NEGR1: variants seen among roughly 807,000 people sequenced by gnomAD.
NEGR1 encodes neuronal growth regulator 1.
NEGR1 carries 10 observed loss-of-function variants against 40.9 expected under a neutral mutation model. The ratio of observed to expected loss-of-function variants is 0.24; its 90% CI spans 0.15 to 0.42. NEGR1 has a LOEUF of 0.42. Ranked by LOEUF, NEGR1 falls within the 10% of genes least tolerant of loss-of-function variation. NEGR1 has a pLI of 1.00. For missense variants in NEGR1, 352 were observed against 438.9 expected, an observed-to-expected ratio of 0.80 and a Z score of 1.77; for synonymous variants, 185 against 166.8, an observed-to-expected ratio of 1.11 and a Z score of -0.84.
intron 1 of NEGR1, among the ~76,000 whole-genome samples, chr1:71,947,105 C>T (rs1433048314): frequency 1.7e-5 from 2 of 116,236 alleles, no homozygotes; most frequent in African/African-American, 3.1e-5. Flanking sequence ...CACACACACA[C>T]ACACACACAC....
intron 1 of NEGR1, among the ~76,000 whole-genome samples, chr1:72,268,872 T>TAGAA (rs1303534596): frequency 9.3e-5 from 14 of 151,032 alleles, no homozygotes; most frequent in African/African-American, 3.2e-4. Flanking sequence ...AAGAAGGAGC[T>TAGAA]AGAAATGGGT....
At chr1:72,129,940 A>G (rs527456449) in intron 1 of NEGR1, among the ~76,000 whole-genome samples, 1 of 152,292 alleles carries the variant, frequency 6.6e-6, no homozygotes, top group South Asian at 2.1e-4. Flanking sequence ...GATTAAAGTA[A>G]TACACTGCTA....
At chr1:71,855,824 A>T (rs1336581223) in intron 2 of NEGR1, among the ~76,000 whole-genome samples, 1 of 152,048 alleles carries the variant, frequency 6.6e-6, no homozygotes, top group African/African-American at 2.4e-5. Flanking sequence ...GAAAGGTTGA[A>T]TTTAGAAAAA....
At chr1:72,161,033 A>G (rs566028076) in intron 1 of NEGR1, among the ~76,000 whole-genome samples, 7 of 152,162 alleles carry the variant, frequency 4.6e-5, no homozygotes, top group Non-Finnish European at 8.8e-5. Context: ...CTTTAATTAC[A>G]TATTTACTGA....
intron 1 of NEGR1, among the ~76,000 whole-genome samples, chr1:72,213,217 T>C (rs1016870825): frequency 3.9e-5 from 6 of 151,988 alleles, no homozygotes; most frequent in African/African-American, 1.2e-4. Flanking sequence ...GGGCATATTA[T>C]GAATGCAAGG....
At chr1:71,679,552 TTGAAA>T (rs1371401463) in intron 4 of NEGR1, among the ~76,000 whole-genome samples, 1 of 152,164 alleles carries the variant, frequency 6.6e-6, no homozygotes, top group Admixed American at 6.5e-5. Context: ...CTCTTATTAA[TTGAAA>T]TAATTTTTTT....
rs992525770 is a variant in NEGR1, at chr1:71,916,324, C to T, written c.409+18755G>A. ...TCAGAAACAAAATGTTTTATGTTCTCCCTTACTAATCATCAGGATAGTAAG... is the reference window on the plus strand; with the variant it reads ...TCAGAAACAAAATGTTTTATGTTCTTCCTTACTAATCATCAGGATAGTAAG... On this transcript the variant is annotated intron_variant, in intron 2 of 6. Transcript: ENST00000357731. 5.0e-4 allele frequency among the ~76,000 whole-genome samples: 76 copies of T among 152,202 alleles called. 1 individual carries two copies. Among genetic ancestry groups the T allele is most frequent in the African/African-American group, 1.7e-3 (71 of 41,546 alleles).
At chr1:71,638,741 C>G (rs1244422502) in intron 4 of NEGR1, among the ~76,000 whole-genome samples, 2 of 151,888 alleles carry the variant, frequency 1.3e-5, no homozygotes, top group African/African-American at 4.8e-5. Flanking sequence ...CATTTAATAA[C>G]CTTTTACAGT....
At chr1:71,547,573 G>A (rs963446180) in intron 6 of NEGR1, among the ~76,000 whole-genome samples, 5 of 151,688 alleles carry the variant, frequency 3.3e-5, no homozygotes, top group Admixed American at 2.6e-4. Context: ...AAGATATTTC[G>A]AGATGTCAAA....
chr1:72,123,045 T>A (rs549351600), intron 1 of NEGR1, among the ~76,000 whole-genome samples: 42 of 152,088 alleles, frequency 2.8e-4, no homozygotes, highest in Non-Finnish European at 4.0e-4. Context: ...TGTTATTAAA[T>A]CTGTTTCATG....
intron 1 of NEGR1, among the ~76,000 whole-genome samples, chr1:72,108,400 T>C (rs1232074160): frequency 6.6e-6 from 1 of 151,598 alleles, no homozygotes; most frequent in Non-Finnish European, 1.5e-5. Context: ...TTCAGAATCA[T>C]ACCATTACAC....
intron 3 of NEGR1, among the ~76,000 whole-genome samples, chr1:71,701,418 A>G (rs1653686964): frequency 6.6e-6 from 1 of 151,678 alleles, no homozygotes; most frequent in South Asian, 2.1e-4. Context: ...CATTTTCCAA[A>G]CCAGCAAATG....
At chr1:71,865,710 C>T (rs1323041279) in intron 2 of NEGR1, among the ~76,000 whole-genome samples, 1 of 152,068 alleles carries the variant, frequency 6.6e-6, no homozygotes, top group Non-Finnish European at 1.5e-5. Flanking sequence ...TCTAACAAAC[C>T]TGCACGTTCT....
rs191026514 is a variant in NEGR1 at position 71,773,401 on chromosome 1, T to G, written c.535+2771A>C. Among the ~76,000 whole-genome samples the G allele has an allele frequency of 1.7e-4, 26 of 152,302 alleles. No individual in the cohort carries two copies. The East Asian group carries it at 5.0e-3, about 29-fold the overall frequency. The stretch of plus-strand genomic sequence containing the variant: ...CAACATGTTCACAGGTTAACTGCTG[T>G]TTTGGGACACATTTTCTTTCATAAT... On this transcript the variant is annotated intron_variant, in intron 3 of 6. Coordinates refer to ENST00000357731, the MANE Select transcript of NEGR1 (RefSeq NM_173808.3).
At position 72,209,204 on chromosome 1, in the gene NEGR1, G is replaced by A. The variant is rs1292789519; in HGVS notation, c.176+73115C>T. 2.7e-5 allele frequency among the ~76,000 whole-genome samples: 4 copies of A among 150,926 alleles called. No individual in the cohort carries two copies. In the East Asian group the frequency reaches 5.8e-4, roughly 22 times the overall value. On this transcript the variant is annotated intron_variant, in intron 1 of 6. Transcript: ENST00000357731. Reference sequence around the variant, plus strand: ...TCCATCGAGACAATGTACAAAAATTGTGAATTAGAAAAATAGTATATGATC... The same window carrying A: ...TCCATCGAGACAATGTACAAAAATTATGAATTAGAAAAATAGTATATGATC...
chr1:71,730,877 CGTGTGTGTGTGTGTGTGT>C lies in NEGR1; in HGVS notation c.536-32756_536-32739del, dbSNP rs59873481. Reference sequence around the variant, plus strand: ...TATGCTACTGGTGTAGTGAAGCATTCGTGTGTGTGTGTGTGTGTGTGTGTGTGTGTGTGTGTGTGTGTG... The same window carrying C: ...TATGCTACTGGTGTAGTGAAGCATTCGTGTGTGTGTGTGTGTGTGTGTGTG... On this transcript the variant is annotated intron_variant, in intron 3 of 6. Coordinates refer to ENST00000357731, the MANE Select transcript of NEGR1 (RefSeq NM_173808.3). Among the ~76,000 whole-genome samples the C allele has an allele frequency of 5.0e-3, 656 of 130,068 alleles. 3 individuals are homozygous for C. Among genetic ancestry groups the C allele is most frequent in the African/African-American group, 0.017 (619 of 35,666 alleles). 85.3% of individuals were successfully genotyped at this position (130,068 alleles called of 152,430 possible).
intron 6 of NEGR1, among the ~76,000 whole-genome samples, chr1:71,517,472 A>C (rs1445367547): frequency 1.0e-5 from 1 of 99,660 alleles, no homozygotes; most frequent in African/African-American, 4.5e-5. Flanking sequence ...CCAAAGACAA[A>C]AACCACATGA....
At chr1:71,898,625 G>C (rs1648264) in intron 2 of NEGR1, among the ~76,000 whole-genome samples, 64,233 of 151,218 alleles carry the variant, frequency 0.42, 13,748 homozygotes, top group East Asian at 0.61. Context: ...AAAAAACAAA[G>C]AAACAAAAGA....
chr1:72,094,208 C>A (rs1648610296), intron 1 of NEGR1, among the ~76,000 whole-genome samples: 1 of 151,798 alleles, frequency 6.6e-6, no homozygotes, highest in South Asian at 2.1e-4. Context: ...CCTAATTGCA[C>A]AATTAGAAAA....
Sources: allele counts gnomAD v4.1 joint callset (sites outside exome capture counted in the v4.1 genomes callset), GRCh38; gene constraint gnomAD v4.1.1; transcripts MANE v1.5; gene names NCBI Gene and HGNC (gene_info 2026-07-23, HGNC 2026-07-21).